The following CDKL1 variants were observed in gnomAD, a reference collection of about 807,000 sequenced individuals.
CDKL1 encodes cyclin dependent kinase like 1.
A neutral mutation model predicts 42.0 loss-of-function variants in CDKL1; 41 were observed. That is an observed-to-expected ratio of 0.98 (90% CI 0.76 to 1.27). CDKL1 has a LOEUF of 1.27. Among genes scored for constraint, CDKL1 ranks in the 50% most tolerant of loss-of-function variants. CDKL1 has a pLI of 0.00. For missense variants in CDKL1, 394 were observed against 428.4 expected, an observed-to-expected ratio of 0.92 and a Z score of 0.71; for synonymous variants, 153 against 158.6, an observed-to-expected ratio of 0.96 and a Z score of 0.26.
At chr14:50,345,100 C>G in intron 3 of CDKL1, 42 bp from the exon 4 acceptor site, 2 of 1,568,446 alleles carry the variant, frequency 1.3e-6, no homozygotes, top group Non-Finnish European at 1.7e-6. Context: ...TTTAGTGTAG[C>G]CATGGAATTC....
chr14:50,341,377 A>C lies in CDKL1; in HGVS notation c.455-145T>G, dbSNP rs1350750310. 4.2e-6 allele frequency: 5 copies of C among 1,202,612 alleles called. No homozygotes were observed. In the East Asian group the frequency reaches 1.5e-4, roughly 37 times the overall value. 74.5% of individuals were successfully genotyped at this position (1,202,612 alleles called of 1,614,324 possible). A position where few individuals can be genotyped will look rare whatever the true frequency, so the allele number is the denominator to read the frequency against. ...TCAATTCTAGTTGCACATTCAAATC[A>C]CTTAAATAAATATTTTGTAAATTAC... On this transcript the variant is annotated intron_variant, in intron 5 of 9. Coordinates refer to ENST00000395834, the MANE Select transcript of CDKL1 (RefSeq NM_004196.7).
rs1179863479 is a variant in CDKL1, at chr14:50,344,966, A to G, written c.363+20T>C. 1.1e-5 allele frequency: 17 copies of G among 1,604,804 alleles called. No homozygotes were observed. The highest frequency in any genetic ancestry group is 2.2e-5 in the East Asian group (1 of 44,818). The stretch of plus-strand genomic sequence containing the variant: ...TTAAGGGGAGCCTTGTTGCTTTTCA[A>G]AAGAGATCATGAGACTTACATTGTG... On this transcript the variant is annotated intron_variant, in intron 4 of 9. Transcript: ENST00000395834.
In CDKL1 at chr14:50,359,050, C is replaced by T; in HGVS notation, c.268G>A (p.Glu90Lys). The T allele has an allele frequency of 2.5e-6, 4 of 1,612,758 alleles. No homozygotes were observed. Among genetic ancestry groups the T allele is most frequent in the Non-Finnish European group, 2.5e-6 (3 of 1,178,920 alleles). Residue 90 changes from glutamate to lysine, a missense_variant, in exon 3 of 10, where the codon GAG becomes AAG. By Grantham distance (56) the Glu-to-Lys change is moderately conservative. Coordinates refer to ENST00000395834, the MANE Select transcript of CDKL1 (RefSeq NM_004196.7). The part of the protein sequence containing the change: ...FEYCDHTVLH[E>K]LDRYQRGVPE... ...CACCCTCTTTGGTATCTGTCCAACT[C>T]ATGGAGAACTGTGTGGTCACAATAT... is the stretch of plus-strand genomic sequence containing the variant.
intron 4 of CDKL1, chr14:50,342,467 C>A: frequency 1.6e-6 from 2 of 1,264,916 alleles, no homozygotes; most frequent in Non-Finnish European, 2.0e-6. Context: ...GTAGGGTAGC[C>A]GGTCTTAGCA....
chr14:50,350,904 C>CT (rs1289951547), intron 3 of CDKL1, among the ~76,000 whole-genome samples: 2 of 152,102 alleles, frequency 1.3e-5, no homozygotes, highest in African/African-American at 4.8e-5. Flanking sequence ...GGCACTCCTT[C>CT]TGGGGAGGGC....
At chr14:50,358,959 GTCATTGCCACTTTTCGC>G in intron 3 of CDKL1, 52 bp downstream of exon 3, 1 of 1,519,708 alleles carries the variant, frequency 6.6e-7, no homozygotes, top group Admixed American at 1.7e-5. Flanking sequence ...CTTAAAAAGA[GTCATTGCCACTTTTCGC>G]TCACAAATCC....
chr14:50,337,545 G>T (rs1159691436), intron 7 of CDKL1, among the ~76,000 whole-genome samples: 3 of 151,290 alleles, frequency 2.0e-5, no homozygotes, highest in Non-Finnish European at 4.4e-5. Flanking sequence ...TAGAGACAGG[G>T]TCTTGCTATG....
At chr14:50,369,185 A>C (rs1378586928) in intron 2 of CDKL1, among the ~76,000 whole-genome samples, 1 of 152,028 alleles carries the variant, frequency 6.6e-6, no homozygotes, top group Non-Finnish European at 1.5e-5. Flanking sequence ...TAACCAGGAA[A>C]TGTTACTTTA....
At chr14:50,380,142 A>ATATG (rs1374378528) in intron 2 of CDKL1, 1 of 527,064 alleles carries the variant, frequency 1.9e-6, no homozygotes, top group Non-Finnish European at 3.9e-6. Flanking sequence ...GTAAGAGCCA[A>ATATG]TATGGCAGAA....
At chr14:50,340,445 T>C (rs1219568740) in intron 6 of CDKL1, among the ~76,000 whole-genome samples, 1 of 152,114 alleles carries the variant, frequency 6.6e-6, no homozygotes, top group Admixed American at 6.5e-5. Flanking sequence ...GGGCAATCAC[T>C]ACTGATGGGT....
chr14:50,383,548 C>A lies in CDKL1; in HGVS notation c.168+12153G>T, dbSNP rs1441235819. Among the ~76,000 whole-genome samples, 3 of 53,682 alleles carry A rather than the reference C, an allele frequency of 5.6e-5. No homozygotes were observed. In the East Asian group the frequency reaches 1.4e-3, roughly 25 times the overall value. 35.2% of individuals were successfully genotyped at this position (53,682 alleles called of 152,430 possible). ...AGCCTGAGCAACACAGTGAGACTGT[C>A]TCAAAAAAAAAAAAAAACAAACAAC... is the stretch of plus-strand genomic sequence containing the variant. On this transcript the variant is annotated intron_variant, in intron 2 of 9. Coordinates refer to ENST00000395834, the MANE Select transcript of CDKL1 (RefSeq NM_004196.7).
At chr14:50,335,670 C>G in intron 7 of CDKL1, 1 of 1,493,888 alleles carries the variant, frequency 6.7e-7, no homozygotes, top group Non-Finnish European at 8.9e-7. Flanking sequence ...AAGAGCCAGC[C>G]AAGCTGAGCA....
At chr14:50,370,697 C>T (rs965685570) in intron 2 of CDKL1, among the ~76,000 whole-genome samples, 1 of 152,158 alleles carries the variant, frequency 6.6e-6, no homozygotes, top group Non-Finnish European at 1.5e-5. Context: ...CCTCAGGAAG[C>T]TTACAATCAT....
chr14:50,342,761 G>T, intron 4 of CDKL1: 1 of 676,282 alleles, frequency 1.5e-6, no homozygotes, highest in Non-Finnish European at 2.0e-6. Context: ...ACAGAACACA[G>T]TCAGCCTCGT....
chr14:50,340,708 G>A (rs1335764977), intron 6 of CDKL1, among the ~76,000 whole-genome samples: 1 of 152,176 alleles, frequency 6.6e-6, no homozygotes, highest in African/African-American at 2.4e-5. Flanking sequence ...AACCATGAAA[G>A]CATTCTGTAA....
chr14:50,345,851 C>T (rs1385162476), intron 3 of CDKL1, among the ~76,000 whole-genome samples: 1 of 152,192 alleles, frequency 6.6e-6, no homozygotes, highest in South Asian at 2.1e-4. Context: ...CCCTGACTCA[C>T]ATCTTTTATT....
chr14:50,345,082 A>G, intron 3 of CDKL1, 24 bp from the exon 4 acceptor site: 1 of 1,608,030 alleles, frequency 6.2e-7, no homozygotes, highest in Non-Finnish European at 8.5e-7. Flanking sequence ...AGCAGCACAA[A>G]CACATTCTTT....
Position 50,334,243 on chromosome 14 carries a change from G to A in CDKL1, c.795+322C>T, listed in dbSNP as rs546095031. The A allele has an allele frequency of 2.1e-4, 40 of 190,660 alleles. 2 individuals carry two copies. Among genetic ancestry groups the A allele is most frequent in the African/African-American group, 8.7e-4 (37 of 42,710 alleles). 11.8% of individuals were successfully genotyped at this position (190,660 alleles called of 1,614,324 possible). ...GCAATCTCAACTCACTGCAACCTCC[G>A]CCTCCCAGGCTCAAGCAATTCTCCC... On this transcript the variant is annotated intron_variant, in intron 8 of 9. Coordinates refer to ENST00000395834, the MANE Select transcript of CDKL1 (RefSeq NM_004196.7).
At chr14:50,372,948 T>G (rs2139493226) in intron 2 of CDKL1, among the ~76,000 whole-genome samples, 1 of 152,246 alleles carries the variant, frequency 6.6e-6, no homozygotes, top group Non-Finnish European at 1.5e-5. Flanking sequence ...TTTTATAAAA[T>G]AGTTTGAAAT....
Sources: allele counts gnomAD v4.1 joint callset (sites outside exome capture counted in the v4.1 genomes callset), GRCh38; gene constraint gnomAD v4.1.1; transcripts MANE v1.5; gene names NCBI Gene and HGNC (gene_info 2026-07-23, HGNC 2026-07-21).